PDCD1LG2: variants seen among roughly 807,000 people sequenced by gnomAD.
PDCD1LG2 encodes the protein programmed cell death 1 ligand 2.
PDCD1LG2 carries 32 observed loss-of-function variants against 28.2 expected under a neutral mutation model. The ratio of observed to expected loss-of-function variants is 1.13; its 90% confidence interval spans 0.86 to 1.52. The LOEUF (loss-of-function observed/expected upper bound fraction) is 1.52, where lower values mean the gene tolerates loss of function less well. PDCD1LG2 is among the 40% of genes most tolerant of loss of function. The probability of loss-of-function intolerance (pLI) is 0.00; values close to 1 mark genes in which losing one functional copy is unlikely to be tolerated. For synonymous variants in PDCD1LG2, 116 were observed against 120.2 expected (o/e 0.97, Z 0.23); for missense variants, 385 against 323.8 (o/e 1.19, Z -1.45).
chr9:5,536,634 T>C (rs932972796), intron 3 of PDCD1LG2, among the ~76,000 whole-genome samples: 2 of 152,224 alleles, frequency 1.3e-5, no homozygotes, highest in African/African-American at 4.8e-5. Context: ...CTTCTGCCCA[T>C]TCTCTCAAAC....
intron 1 of PDCD1LG2, among the ~76,000 whole-genome samples, chr9:5,522,332 A>G (rs1325621406): frequency 6.6e-6 from 1 of 152,220 alleles, no homozygotes; most frequent in Admixed American, 6.5e-5. Flanking sequence ...TTGGATTTAT[A>G]AAGAGTGTCT....
rs1210092698 is a variant in PDCD1LG2 at position 5,534,842 on chromosome 9, C to G, written c.153C>G (p.Asn51Lys). 6.2e-7 allele frequency: 1 copy of G among 1,614,166 alleles called. No individual in the cohort carries two copies. Among genetic ancestry groups the G allele is most frequent in the South Asian group, 1.1e-5 (1 of 91,078 alleles). The change falls in exon 3 of 7, where the codon AAC becomes AAG. Residue 51 changes from asparagine to lysine, a missense_variant. Coordinates refer to ENST00000397747, the MANE Select transcript of PDCD1LG2 (RefSeq NM_025239.4). ...ECNFDTGSHV[N>K]LGAITASLQK... ...ACTTTGACACTGGAAGTCATGTGAA[C>G]CTTGGAGCAATAACAGCCAGTTTGC...
chr9:5,549,529 C>T lies in PDCD1LG2; in HGVS notation c.556C>T (p.Pro186Ser), dbSNP rs762078498. Reference protein sequence around the residue: ...VTSVLRLKPPPGRNFSCVFWN... With the variant: ...VTSVLRLKPPSGRNFSCVFWN... Reference sequence around the variant, plus strand: ...CAGTGTTCTGCGCCTAAAGCCACCCCCTGGCAGAAACTTCAGCTGTGTGTT... The same window carrying T: ...CAGTGTTCTGCGCCTAAAGCCACCCTCTGGCAGAAACTTCAGCTGTGTGTT... The change falls in exon 4 of 7, where the codon CCT (proline) becomes TCT (serine). Residue 186 changes from proline to serine, a missense_variant. By Grantham distance (74) the Pro-to-Ser change is moderately conservative. Coordinates refer to ENST00000397747, the MANE Select transcript of PDCD1LG2 (RefSeq NM_025239.4). 1.1e-5 allele frequency: 17 copies of T among 1,614,072 alleles called. No homozygotes were observed. Among genetic ancestry groups the T allele is most frequent in the Middle Eastern group, 1.6e-4 (1 of 6,084 alleles).
rs1228494055 is a variant in PDCD1LG2, at chr9:5,525,531, T to C, written c.55+2930T>C. Among the ~76,000 whole-genome samples the C allele has an allele frequency of 2.0e-5, 3 of 151,472 alleles. No individual in the cohort carries two copies. In the East Asian group the frequency reaches 5.8e-4, roughly 29 times the overall value. The stretch of plus-strand genomic sequence containing the variant: ...TATATTATATATATAATAGATAGCA[T>C]GTGAATAAATTAATTACAAAAACAT... On this transcript the variant is annotated intron_variant, in intron 2 of 6. Coordinates refer to ENST00000397747, the MANE Select transcript of PDCD1LG2 (RefSeq NM_025239.4).
At chr9:5,548,532 G>T (rs750155142) in intron 3 of PDCD1LG2, among the ~76,000 whole-genome samples, 12 of 152,148 alleles carry the variant, frequency 7.9e-5, no homozygotes, top group Non-Finnish European at 1.3e-4. Context: ...AGGACTGCTG[G>T]ATCATGTGGT....
intron 5 of PDCD1LG2, among the ~76,000 whole-genome samples, chr9:5,560,419 A>G (rs1816535811): frequency 6.6e-6 from 1 of 152,232 alleles, no homozygotes; most frequent in Non-Finnish European, 1.5e-5. Context: ...TGGTCCTTCC[A>G]GATGTCTCCA....
intron 2 of PDCD1LG2, among the ~76,000 whole-genome samples, chr9:5,526,773 A>G (rs1421609978): frequency 2.0e-5 from 3 of 152,208 alleles, no homozygotes; most frequent in Non-Finnish European, 4.4e-5. Flanking sequence ...ATTGCTGAAG[A>G]GGACTAAAAG....
chr9:5,547,645 G>T (rs928013511), intron 3 of PDCD1LG2, among the ~76,000 whole-genome samples: 3 of 152,136 alleles, frequency 2.0e-5, no homozygotes, highest in Non-Finnish European at 4.4e-5. Flanking sequence ...ATTATAGAAA[G>T]AGTCAATCAA....
rs371447291 is a variant in PDCD1LG2, at chr9:5,522,621, G to C, written c.55+20G>C. ...TAGCAGGTAAGAAAGGACAAAGGGAGAGGCTTAAGAAAGAAGAGCAGGTGG... is the reference window on the plus strand; with the variant it reads ...TAGCAGGTAAGAAAGGACAAAGGGACAGGCTTAAGAAAGAAGAGCAGGTGG... On this transcript the variant is annotated intron_variant, in intron 2 of 6. Coordinates refer to ENST00000397747, the MANE Select transcript of PDCD1LG2 (RefSeq NM_025239.4). 72 of 1,611,086 alleles carry C rather than the reference G, an allele frequency of 4.5e-5. No homozygotes were observed. The highest frequency in any genetic ancestry group is 5.4e-5 in the Non-Finnish European group (64 of 1,177,796).
rs1368529592 is a variant in PDCD1LG2, at chr9:5,534,936, G to A, written c.247G>A (p.Gly83Arg). The A allele has an allele frequency of 6.2e-7, 1 of 1,614,092 alleles. No individual in the cohort carries two copies. The highest frequency in any genetic ancestry group is 8.5e-7 in the Non-Finnish European group (1 of 1,180,014). Reference protein sequence around the residue: ...ATLLEEQLPLGKASFHIPQVQ... With the variant: ...ATLLEEQLPLRKASFHIPQVQ... ...TTTGCTGGAGGAGCAGCTGCCCCTA[G>A]GGAAGGCCTCGTTCCACATACCTCA... The change falls in exon 3 of 7, where the codon GGG (glycine) becomes AGG (arginine). Residue 83 changes from glycine (G) to arginine (R), a missense_variant. Gly to Arg is a moderately radical substitution (Grantham distance 125). Coordinates refer to ENST00000397747, the MANE Select transcript of PDCD1LG2 (RefSeq NM_025239.4).
At position 5,516,559 on chromosome 9, in the gene PDCD1LG2, C is replaced by T. The variant is rs141455615; in HGVS notation, c.-15+5756C>T. On this transcript the variant is annotated intron_variant, in intron 1 of 6. Transcript: ENST00000397747. ...GACCTAACCCCTTTCCGCCAAGGAACCTGTCTCCCTCTTGCCATCAACATG... is the reference window on the plus strand; with the variant it reads ...GACCTAACCCCTTTCCGCCAAGGAATCTGTCTCCCTCTTGCCATCAACATG... 1.3e-3 allele frequency among the ~76,000 whole-genome samples: 199 copies of T among 152,354 alleles called. 2 individuals are homozygous for T. The highest frequency in any genetic ancestry group is 4.7e-3 in the African/African-American group (195 of 41,590).
chr9:5,547,752 C>T (rs1816241217), intron 3 of PDCD1LG2, among the ~76,000 whole-genome samples: 1 of 151,952 alleles, frequency 6.6e-6, no homozygotes, highest in African/African-American at 2.4e-5. Flanking sequence ...GGCTGACCAA[C>T]ATGGTGAAAC....
chr9:5,560,406 C>A (rs1816535538), intron 5 of PDCD1LG2, among the ~76,000 whole-genome samples: 1 of 152,226 alleles, frequency 6.6e-6, no homozygotes, highest in South Asian at 2.1e-4. Flanking sequence ...CATGCAGAAT[C>A]TCTGGTCCTT....
chr9:5,540,184 T>G (rs1214399037), intron 3 of PDCD1LG2, among the ~76,000 whole-genome samples: 1 of 152,218 alleles, frequency 6.6e-6, no homozygotes, highest in Non-Finnish European at 1.5e-5. Flanking sequence ...CTCTTTGAAC[T>G]GAACGATAAT....
rs1243566906 is a variant in PDCD1LG2, at chr9:5,570,202, T to A, written c.*243T>A. On this transcript the variant is annotated 3_prime_UTR_variant, in exon 7 of 7. Transcript: ENST00000397747. ...GCTTTAAGCAAGCACTACTGCACTTTACAGAATTACCCCACTGGATCCTGG... is the reference window on the plus strand; with the variant it reads ...GCTTTAAGCAAGCACTACTGCACTTAACAGAATTACCCCACTGGATCCTGG... 4.4e-6 allele frequency: 2 copies of A among 450,442 alleles called. No individual in the cohort carries two copies. The highest frequency in any genetic ancestry group is 1.9e-5 in the African/African-American group (1 of 51,594). 27.9% of individuals were successfully genotyped at this position (450,442 alleles called of 1,614,324 possible).
Position 5,571,166 on chromosome 9 carries a change from T to A in PDCD1LG2, c.*1207T>A, listed in dbSNP as rs1816760728. On this transcript the variant is annotated 3_prime_UTR_variant, in exon 7 of 7. Transcript: ENST00000397747. Reference sequence around the variant, plus strand: ...GAGAATGAAAGGGTGTGAAATTGACTAACAGACAAATCATACATCTCAGTT... The same window carrying A: ...GAGAATGAAAGGGTGTGAAATTGACAAACAGACAAATCATACATCTCAGTT... The A allele has an allele frequency of 4.3e-6, 1 of 232,802 alleles. No homozygotes were observed. Among genetic ancestry groups the A allele is most frequent in the Non-Finnish European group, 8.5e-6 (1 of 117,826 alleles). The allele number at this position is 232,802 out of a possible 1,614,324, so 14.4% of individuals were successfully genotyped here.
chr9:5,516,576 A>G (rs1820168688), intron 1 of PDCD1LG2, among the ~76,000 whole-genome samples: 1 of 152,164 alleles, frequency 6.6e-6, no homozygotes, highest in Non-Finnish European at 1.5e-5. Context: ...CCCTCTTGCC[A>G]TCAACATGCT....
chr9:5,556,555 G>A (rs1024813975), intron 4 of PDCD1LG2, among the ~76,000 whole-genome samples: 12 of 152,118 alleles, frequency 7.9e-5, no homozygotes, highest in African/African-American at 2.9e-4. Flanking sequence ...TCTAAAATGA[G>A]GGGCTCAGAC....
intron 1 of PDCD1LG2, among the ~76,000 whole-genome samples, chr9:5,514,364 A>C (rs904727552): frequency 6.6e-6 from 1 of 152,216 alleles, no homozygotes; most frequent in Non-Finnish European, 1.5e-5. Context: ...ATCTCCACAG[A>C]CAGTAGAAAT....
Sources: gnomAD v4.1 joint callset for allele counts (sites outside exome capture counted in the v4.1 genomes callset) on GRCh38, gnomAD v4.1.1 for gene constraint, MANE v1.5 for transcripts, NCBI Gene and HGNC (gene_info 2026-07-23, HGNC 2026-07-21) for gene names.